The following CTXND1 variants were observed in gnomAD, a reference collection of about 807,000 sequenced individuals.
CTXND1 encodes the protein cortexin domain containing 1.
At chr15:80,221,206 G>A (rs983650893) in intron 1 of CTXND1, among the ~76,000 whole-genome samples, 1 of 152,130 alleles carries the variant, frequency 6.6e-6, no homozygotes, top group African/African-American at 2.4e-5. Flanking sequence ...ACCACGCCCA[G>A]CCTCTATTAT....
intron 1 of CTXND1, among the ~76,000 whole-genome samples, chr15:80,241,637 C>A (rs1222696416): frequency 1.3e-5 from 2 of 152,192 alleles, no homozygotes. Context: ...ACAGTGAGGA[C>A]AGCAAGCTCA....
intron 1 of CTXND1, among the ~76,000 whole-genome samples, chr15:80,204,019 C>T (rs1339828207): frequency 2.7e-5 from 4 of 150,434 alleles, no homozygotes; most frequent in African/African-American, 7.3e-5. Context: ...AAAGTTTAGC[C>T]GGGCGTGGTG....
chr15:80,231,600 C>A (rs1289273572), intron 1 of CTXND1, among the ~76,000 whole-genome samples: 2 of 152,026 alleles, frequency 1.3e-5, no homozygotes, highest in African/African-American at 2.4e-5. Context: ...AGCTGGCTTG[C>A]AAGGCTATTA....
intron 1 of CTXND1, among the ~76,000 whole-genome samples, chr15:80,236,970 C>T (rs974017452): frequency 1.3e-5 from 2 of 151,974 alleles, no homozygotes; most frequent in East Asian, 3.9e-4. Flanking sequence ...AGCACATATA[C>T]AAAAATTTTA....
chr15:80,213,933 A>C lies in CTXND1; in HGVS notation c.-217-10193T>G, dbSNP rs567930352. On this transcript the variant is annotated intron_variant, in intron 1 of 2. Coordinates refer to ENST00000560778, the MANE Select transcript of CTXND1 (RefSeq NM_001352888.2). ...AATTGCTTGAAGAGTTACCTCTACC[A>C]CTAAGAGACGAATCAAAGTGAATAA... Among the ~76,000 whole-genome samples, 3 of 149,754 alleles carry C rather than the reference A, an allele frequency of 2.0e-5. No individual in the cohort carries two copies. The South Asian group carries it at 6.5e-4, about 32-fold the overall frequency.
At chr15:80,203,210 C>T (rs528786499) in intron 2 of CTXND1, among the ~76,000 whole-genome samples, 62 of 152,310 alleles carry the variant, frequency 4.1e-4, no homozygotes, top group African/African-American at 1.4e-3. Context: ...TAGCATTCGT[C>T]CCTATCCTCA....
rs1367643828 is a variant in CTXND1, at chr15:80,198,414, T to C, written c.*3356A>G. The C allele has an allele frequency of 6.6e-6, 1 of 152,288 alleles. No homozygotes were observed. The highest frequency in any genetic ancestry group is 1.9e-4 in the East Asian group (1 of 5,206). 9.4% of individuals were successfully genotyped at this position (152,288 alleles called of 1,614,324 possible). On this transcript the variant is annotated 3_prime_UTR_variant, in exon 3 of 3. Transcript: ENST00000560778. ...CAGGCCTCCCATTCTCTAAATGCTT[T>C]TCATTTCTTGTCTGCCAACTTCTAG... is the stretch of plus-strand genomic sequence containing the variant.
chr15:80,199,893 C>T lies in CTXND1; in HGVS notation c.*1877G>A, dbSNP rs1462076564. 1.3e-5 allele frequency: 2 copies of T among 152,232 alleles called. No individual in the cohort carries two copies. The highest frequency in any genetic ancestry group is 2.9e-5 in the Non-Finnish European group (2 of 68,118). 9.4% of individuals were successfully genotyped at this position (152,232 alleles called of 1,614,324 possible). The stretch of plus-strand genomic sequence containing the variant: ...AAAGAAGTCTTGAGCTTCTTCACAG[C>T]TGCAGGTCTCTTGGATGGGGATGGA... On this transcript the variant is annotated 3_prime_UTR_variant, in exon 3 of 3. Coordinates refer to ENST00000560778, the MANE Select transcript of CTXND1 (RefSeq NM_001352888.2).
At chr15:80,248,568 G>C (rs1893660065) in intron 1 of CTXND1, among the ~76,000 whole-genome samples, 1 of 152,176 alleles carries the variant, frequency 6.6e-6, no homozygotes, top group Admixed American at 6.5e-5. Context: ...CCTCGTTCTG[G>C]CTCCATGGGA....
At position 80,196,103 on chromosome 15, in the gene CTXND1, C is replaced by T. The variant is rs2041418950; in HGVS notation, c.*5667G>A. ...GATTCGCTAGGGCACTTGGTACTCC[C>T]TGTATCCCTTGTCCTCATTCTGTAA... On this transcript the variant is annotated 3_prime_UTR_variant, in exon 3 of 3. Transcript: ENST00000560778. 6.6e-6 allele frequency: 1 copy of T among 152,180 alleles called. No homozygotes were observed. Among genetic ancestry groups the T allele is most frequent in the Non-Finnish European group, 1.5e-5 (1 of 68,032 alleles). The allele number at this position is 152,180 out of a possible 1,614,324, so 9.4% of individuals were successfully genotyped here. A position where few individuals can be genotyped will look rare whatever the true frequency, so the allele number is the denominator to read the frequency against.
intron 1 of CTXND1, among the ~76,000 whole-genome samples, chr15:80,221,111 A>T (rs111257605): frequency 1.3e-5 from 2 of 151,792 alleles, no homozygotes; most frequent in East Asian, 1.9e-4. Context: ...GGGTTTCACC[A>T]TGTTAGCCAG....
rs139835154 is a variant in CTXND1 at position 80,233,584 on chromosome 15, C to T, written c.-218+18423G>A. 5.6e-3 allele frequency among the ~76,000 whole-genome samples: 855 copies of T among 152,168 alleles called. 7 individuals carry two copies. The highest frequency in any genetic ancestry group is 0.041 in the Middle Eastern group (12 of 294). On this transcript the variant is annotated intron_variant, in intron 1 of 2. Coordinates refer to ENST00000560778, the MANE Select transcript of CTXND1 (RefSeq NM_001352888.2). Reference sequence around the variant, plus strand: ...AGACATCACAGAATGACCAAGTCTCCCAAGGATTCTTCCTCCCTGAACAAA... The same window carrying T: ...AGACATCACAGAATGACCAAGTCTCTCAAGGATTCTTCCTCCCTGAACAAA...
At chr15:80,239,643 A>G (rs1181092249) in intron 1 of CTXND1, among the ~76,000 whole-genome samples, 1 of 152,070 alleles carries the variant, frequency 6.6e-6, no homozygotes, top group Non-Finnish European at 1.5e-5. Flanking sequence ...GTGGGACCTT[A>G]TGATTGTGTA....
intron 1 of CTXND1, among the ~76,000 whole-genome samples, chr15:80,229,802 G>T (rs1893409262): frequency 6.6e-6 from 1 of 152,148 alleles, no homozygotes; most frequent in South Asian, 2.1e-4. Flanking sequence ...AAGGTTAGCT[G>T]CACAAAAATA....
intron 1 of CTXND1, among the ~76,000 whole-genome samples, chr15:80,210,852 C>T (rs989897749): frequency 6.6e-6 from 1 of 152,196 alleles, no homozygotes; most frequent in African/African-American, 2.4e-5. Flanking sequence ...GGGCTCTCTT[C>T]CTGGCCTGCA....
At chr15:80,209,725 C>A (rs1893185293) in intron 1 of CTXND1, among the ~76,000 whole-genome samples, 2 of 152,152 alleles carry the variant, frequency 1.3e-5, no homozygotes, top group Non-Finnish European at 2.9e-5. Context: ...AGCAGCAAGG[C>A]AATCACAATT....
At chr15:80,229,532 A>G (rs1893406661) in intron 1 of CTXND1, among the ~76,000 whole-genome samples, 1 of 152,172 alleles carries the variant, frequency 6.6e-6, no homozygotes, top group African/African-American at 2.4e-5. Context: ...ACAACAGGTC[A>G]TTCACTGCAA....
At position 80,223,981 on chromosome 15, in the gene CTXND1, A is replaced by G. The variant is rs972652835; in HGVS notation, c.-217-20241T>C. ...CAGTGGATAAAATGAGGTAGAAATG[A>G]TGCTGTGTGACTTGGCTGAGTTAGA... On this transcript the variant is annotated intron_variant, in intron 1 of 2. Coordinates refer to ENST00000560778, the MANE Select transcript of CTXND1 (RefSeq NM_001352888.2). 3.3e-5 allele frequency among the ~76,000 whole-genome samples: 5 copies of G among 152,254 alleles called. No individual in the cohort carries two copies. The East Asian group carries it at 9.7e-4, about 29-fold the overall frequency.
At chr15:80,229,864 C>G (rs1893409968) in intron 1 of CTXND1, among the ~76,000 whole-genome samples, 1 of 147,038 alleles carries the variant, frequency 6.8e-6, no homozygotes, top group Admixed American at 6.7e-5. Flanking sequence ...ATGTTGGCCT[C>G]AAACAGAGAG....
Sources: gnomAD v4.1 joint callset for allele counts (sites outside exome capture counted in the v4.1 genomes callset) on GRCh38, gnomAD v4.1.1 for gene constraint, MANE v1.5 for transcripts, NCBI Gene and HGNC (gene_info 2026-07-23, HGNC 2026-07-21) for gene names.